PARD3B: variants seen among roughly 807,000 people sequenced by gnomAD.
The protein encoded by PARD3B is par-3 family cell polarity regulator beta, also known as partitioning defective 3 homolog B.
A neutral mutation model predicts 130.2 loss-of-function variants in PARD3B; 103 were observed. The ratio of observed to expected loss-of-function variants is 0.79; its 90% CI spans 0.67 to 0.93. PARD3B has a LOEUF of 0.93. Among genes scored for constraint, PARD3B ranks in the 40% least tolerant of loss-of-function variants. The pLI is 0.00. For synonymous variants in PARD3B, 583 were observed against 553.2 expected (o/e 1.05, Z -0.76); for missense variants, 1,609 against 1,499.2 (o/e 1.07, Z -1.21).
In PARD3B at chr2:205,489,547, T is replaced by TGTATATATAC. The variant is rs1491461954; in HGVS notation, c.3045-10340_3045-10339insCGTATATATA. 1.6e-3 allele frequency among the ~76,000 whole-genome samples: 119 copies of TGTATATATAC among 75,072 alleles called. 4 individuals carry two copies. Among genetic ancestry groups the TGTATATATAC allele is most frequent in the East Asian group, 0.013 (31 of 2,398 alleles). The allele number at this position is 75,072 out of a possible 152,430, so 49.3% of individuals were successfully genotyped here. A position where few individuals can be genotyped will look rare whatever the true frequency, so the allele number is the denominator to read the frequency against. ...TACACACATATATATGGCATATATA[T>TGTATATATAC]GTATATATATACATATATATACACA... On this transcript the variant is annotated intron_variant, in intron 20 of 22. Transcript: ENST00000406610.
At chr2:205,024,761 C>T (rs1490746408) in intron 3 of PARD3B, among the ~76,000 whole-genome samples, 1 of 152,102 alleles carries the variant, frequency 6.6e-6, no homozygotes, top group African/African-American at 2.4e-5. Flanking sequence ...ATATCTTAAA[C>T]AAAAGAAATA....
intron 2 of PARD3B, among the ~76,000 whole-genome samples, chr2:204,690,145 C>T (rs191434180): frequency 6.6e-6 from 1 of 152,186 alleles, no homozygotes; most frequent in Admixed American, 6.5e-5. Flanking sequence ...TTCTCTAGGA[C>T]CCAGATTATT....
At chr2:205,192,148 A>G (rs1489169319) in intron 14 of PARD3B, among the ~76,000 whole-genome samples, 1 of 152,216 alleles carries the variant, frequency 6.6e-6, no homozygotes, top group African/African-American at 2.4e-5. Flanking sequence ...TGGAGGGATG[A>G]TGAGTTTCAA....
chr2:205,022,213 A>G (rs961557705), intron 3 of PARD3B, among the ~76,000 whole-genome samples: 4 of 152,146 alleles, frequency 2.6e-5, no homozygotes, highest in African/African-American at 9.7e-5. Context: ...TGGCTTCCCT[A>G]TGTAATTCTA....
intron 2 of PARD3B, among the ~76,000 whole-genome samples, chr2:204,777,229 C>G (rs2041658572): frequency 6.6e-6 from 1 of 152,130 alleles, no homozygotes; most frequent in African/African-American, 2.4e-5. Context: ...TAGGAGTAGA[C>G]AGATCATTTT....
chr2:204,895,673 CTG>C, intron 2 of PARD3B, among the ~76,000 whole-genome samples: 1 of 152,190 alleles, frequency 6.6e-6, no homozygotes, highest in South Asian at 2.1e-4. Context: ...CCAATACTAA[CTG>C]TATTGTGCTT....
chr2:205,045,850 A>T (rs961892677), intron 3 of PARD3B, among the ~76,000 whole-genome samples: 1 of 152,086 alleles, frequency 6.6e-6, no homozygotes, highest in Non-Finnish European at 1.5e-5. Flanking sequence ...AAAACAATGT[A>T]ACTAAATTGT....
chr2:204,861,162 TTCTCTCTCTCTCTCTCTCTCTC>T (rs60740602), intron 2 of PARD3B, among the ~76,000 whole-genome samples: 1,037 of 91,360 alleles, frequency 0.011, 16 homozygotes, highest in African/African-American at 0.031. Context: ...CCTAATACCT[TTCTCTCTCTCTCTCTCTCTCTC>T]TCTCTCTCTC....
intron 2 of PARD3B, among the ~76,000 whole-genome samples, chr2:204,933,978 C>G (rs1688220877): frequency 6.6e-6 from 1 of 152,168 alleles, no homozygotes; most frequent in Non-Finnish European, 1.5e-5. Context: ...CTTGTGACCT[C>G]AAAGCACTCT....
chr2:205,154,425 A>G (rs1389620881), intron 10 of PARD3B, among the ~76,000 whole-genome samples: 1 of 152,226 alleles, frequency 6.6e-6, no homozygotes, highest in Non-Finnish European at 1.5e-5. Context: ...GTGGAGAAAT[A>G]GGGACACTTT....
At chr2:205,552,315 G>C (rs200164959) in intron 21 of PARD3B, among the ~76,000 whole-genome samples, 106 of 151,972 alleles carry the variant, frequency 7.0e-4, no homozygotes, top group Admixed American at 2.1e-3. Context: ...GTGGTCGGGG[G>C]GCATCATGGA....
chr2:205,104,555 A>G, intron 5 of PARD3B, 41 bp downstream of exon 5: 2 of 1,297,158 alleles, frequency 1.5e-6, no homozygotes, highest in Non-Finnish European at 2.2e-6. Context: ...ATTTATTTCA[A>G]TTTGATGTGT....
At chr2:205,544,510 T>C (rs1054690798) in intron 21 of PARD3B, among the ~76,000 whole-genome samples, 2 of 152,124 alleles carry the variant, frequency 1.3e-5, no homozygotes, top group Admixed American at 6.6e-5. Context: ...TGTAAAATTG[T>C]ATCCACAATC....
At chr2:205,455,177 T>G (rs2048229554) in intron 20 of PARD3B, among the ~76,000 whole-genome samples, 1 of 152,106 alleles carries the variant, frequency 6.6e-6, no homozygotes, top group African/African-American at 2.4e-5. Context: ...CGGAAATTAT[T>G]ACCATCTCTC....
At position 205,503,423 on chromosome 2, in the gene PARD3B, C is replaced by T. The variant is rs529420783; in HGVS notation, c.3180+3392C>T. The stretch of plus-strand genomic sequence containing the variant: ...TTTTCATACTTTGTTCTTTTATTCT[C>T]AAATTTGTTGGATTTTTTTCCCCTT... On this transcript the variant is annotated intron_variant, in intron 21 of 22. Transcript: ENST00000406610. Among the ~76,000 whole-genome samples the T allele has an allele frequency of 5.9e-5, 9 of 151,434 alleles. No individual in the cohort carries two copies. In the South Asian group the frequency reaches 1.9e-3, roughly 32 times the overall value.
chr2:205,160,256 G>T lies in PARD3B; in HGVS notation c.1620+1349G>T, dbSNP rs963923156. Among the ~76,000 whole-genome samples the T allele has an allele frequency of 1.3e-5, 2 of 152,202 alleles. No homozygotes were observed. Among genetic ancestry groups the T allele is most frequent in the South Asian group, 2.1e-4 (1 of 4,838 alleles). On this transcript the variant is annotated intron_variant, in intron 11 of 22. Coordinates refer to ENST00000406610, the MANE Select transcript of PARD3B (RefSeq NM_001302769.2). The surrounding 1 kb of genome is among the most constrained non-coding windows in gnomAD (Gnocchi z 4.0). ...AAGCCTTTATTTTTCTCATAGCTCT[G>T]TGTGGGGGAGCTGGGGTTTGGGTAG...
chr2:204,649,980 C>T (rs2035423462), intron 1 of PARD3B, among the ~76,000 whole-genome samples: 1 of 151,988 alleles, frequency 6.6e-6, no homozygotes, highest in Non-Finnish European at 1.5e-5. Context: ...AACAGATAAC[C>T]TACTGAACAG....
intron 22 of PARD3B, among the ~76,000 whole-genome samples, chr2:205,578,192 T>C (rs920387166): frequency 1.7e-4 from 26 of 152,286 alleles, no homozygotes; most frequent in African/African-American, 5.8e-4. Context: ...CAGACTCCAC[T>C]CCTCTCACTA....
chr2:205,039,659 G>A (rs1698255627), intron 3 of PARD3B, among the ~76,000 whole-genome samples: 1 of 152,042 alleles, frequency 6.6e-6, no homozygotes, highest in Non-Finnish European at 1.5e-5. Context: ...TAGTAGAGAT[G>A]GGGTTTTGTC....
Sources: allele counts gnomAD v4.1 joint callset (sites outside exome capture counted in the v4.1 genomes callset), GRCh38; gene constraint gnomAD v4.1.1; non-coding constraint Gnocchi (gnomAD v3.1); transcripts MANE v1.5; gene names NCBI Gene and HGNC (gene_info 2026-07-23, HGNC 2026-07-21).